Variants in AQR observed in about 807,000 individuals in gnomAD.
The protein encoded by AQR is aquarius intron-binding spliceosomal factor.
Under a neutral mutation model 180.5 loss-of-function variants are expected in AQR, and 61 were observed. That is an observed-to-expected ratio of 0.34 (90% CI 0.28 to 0.42). The LOEUF is 0.42. Ranked by LOEUF, AQR falls within the 10% of genes least tolerant of loss-of-function variation. The pLI is 1.00. For synonymous variants in AQR, 551 were observed against 588.8 expected, an observed-to-expected ratio of 0.94 and a Z score of 0.93; for missense variants, 1,281 against 1,798.3, an observed-to-expected ratio of 0.71 and a Z score of 5.20.
At chr15:34,912,819 C>A (rs1227855588) in intron 16 of AQR, among the ~76,000 whole-genome samples, 2 of 152,218 alleles carry the variant, frequency 1.3e-5, no homozygotes, top group East Asian at 3.9e-4. Context: ...CTGCAGAATA[C>A]AACATACCTA....
chr15:34,950,930 G>A (rs1280924389), intron 4 of AQR, among the ~76,000 whole-genome samples: 1 of 152,110 alleles, frequency 6.6e-6, no homozygotes, highest in Non-Finnish European at 1.5e-5. Context: ...TATCTTGGGT[G>A]TTATCTGACT....
chr15:34,906,760 C>T, intron 17 of AQR, 48 bp from the exon 18 acceptor site: 1 of 1,573,602 alleles, frequency 6.4e-7, no homozygotes, highest in Admixed American at 1.8e-5. Context: ...TCATTGTTTT[C>T]AGTCTTTTGT....
At chr15:34,896,605 T>C (rs1036309876) in intron 22 of AQR, among the ~76,000 whole-genome samples, 1 of 150,260 alleles carries the variant, frequency 6.7e-6, no homozygotes, top group Non-Finnish European at 1.5e-5. Flanking sequence ...CCCAACACAT[T>C]GGGAGGCCGA....
chr15:34,941,124 A>T, intron 7 of AQR, 125 bp from the exon 8 acceptor site: 2 of 549,536 alleles, frequency 3.6e-6, no homozygotes, highest in Middle Eastern at 4.7e-4. Flanking sequence ...TAAAACCTGA[A>T]AATAACATGA....
At chr15:34,969,435 A>T in intron 1 of AQR, 104 bp downstream of exon 1, 3 of 1,175,446 alleles carry the variant, frequency 2.6e-6, no homozygotes. Flanking sequence ...TAACAAACGA[A>T]TGCCTCCTCC....
At chr15:34,923,154 T>C (rs1422137847) in intron 13 of AQR, among the ~76,000 whole-genome samples, 1 of 152,198 alleles carries the variant, frequency 6.6e-6, no homozygotes, top group Non-Finnish European at 1.5e-5. Flanking sequence ...TCTCTTATTA[T>C]TATTGTTGTT....
In AQR at chr15:34,920,419, G is replaced by A; in HGVS notation, c.1134C>T (p.His378=). The part of the protein sequence containing the change: ...FFGPLSSNTL[H]QVASYLCLLP... ...ACAAGCAGAGGTATGATGCCACCTG[G>A]TGGAGTGTGTTTGAACTGCAGAATA... The change falls in exon 14 of 35, where the codon CAC becomes CAT. Residue 378 remains histidine, a synonymous_variant. Coordinates refer to ENST00000156471, the MANE Select transcript of AQR (RefSeq NM_014691.3). The A allele has an allele frequency of 6.2e-7, 1 of 1,612,934 alleles. No individual in the cohort carries two copies. The highest frequency in any genetic ancestry group is 8.5e-7 in the Non-Finnish European group (1 of 1,179,344).
chr15:34,868,539 G>A (rs1892772057), intron 31 of AQR: 1 of 152,030 alleles, frequency 6.6e-6, no homozygotes, highest in African/African-American at 2.4e-5. Context: ...CTACATGGAG[G>A]TATAGTTTAT....
rs929603746 is a variant in AQR, at chr15:34,851,877, G to A, written c.*4915C>T. ...TAAAATTAAAATGTAAACAGAGAAT[G>A]CTCAGTGACCTTTTCTTAGGAGGCT... On this transcript the variant is annotated 3_prime_UTR_variant, in exon 35 of 35. Coordinates refer to ENST00000156471, the MANE Select transcript of AQR (RefSeq NM_014691.3). 1.3e-5 allele frequency: 2 copies of A among 152,162 alleles called. No individual in the cohort carries two copies. The highest frequency in any genetic ancestry group is 3.8e-4 in the East Asian group (2 of 5,198). The allele number at this position is 152,162 out of a possible 1,614,324, so 9.4% of individuals were successfully genotyped here.
At chr15:34,896,425 A>G (rs1036930453) in intron 22 of AQR, among the ~76,000 whole-genome samples, 1 of 152,188 alleles carries the variant, frequency 6.6e-6, no homozygotes, top group Non-Finnish European at 1.5e-5. Context: ...GAGCAGCAAG[A>G]TCTCTAAATG....
At chr15:34,887,314 C>T (rs1337415406) in intron 24 of AQR, among the ~76,000 whole-genome samples, 1 of 152,156 alleles carries the variant, frequency 6.6e-6, no homozygotes, top group Non-Finnish European at 1.5e-5. Flanking sequence ...CATTCTGGTG[C>T]TAGTTCATTT....
chr15:34,905,710 C>T (rs1893401130), intron 18 of AQR, among the ~76,000 whole-genome samples: 1 of 151,686 alleles, frequency 6.6e-6, no homozygotes, highest in African/African-American at 2.4e-5. Flanking sequence ...TATCATTGAA[C>T]ACAAAAAAGC....
chr15:34,896,887 A>C lies in AQR; in HGVS notation c.2460+10T>G, dbSNP rs747991782. On this transcript the variant is annotated intron_variant, in intron 22 of 34. Coordinates refer to ENST00000156471, the MANE Select transcript of AQR (RefSeq NM_014691.3). ...AACAAACAAACAAACAGGTGTAACA[A>C]TTCTCTTACCATAGTCAGCCCAGGC... 2 of 1,604,680 alleles carry C rather than the reference A, an allele frequency of 1.2e-6. No homozygotes were observed. The highest frequency in any genetic ancestry group is 1.7e-6 in the Non-Finnish European group (2 of 1,171,530).
rs200307145 is a variant in AQR at position 34,897,661 on chromosome 15, T to A, written c.2288A>T (p.Asp763Val). 6.1e-5 allele frequency: 99 copies of A among 1,614,142 alleles called. No homozygotes were observed. The Middle Eastern group carries it at 8.3e-4, about 13-fold the overall frequency. ...GGTGTCTTCATCTTCCACATCCGCA[T>A]CTTTCCTTTTCTTCCCTTTTCCACT... ...VRSGKGKKRK[D>V]ADVEDEDTEE... Residue 763 changes from aspartate to valine, a missense_variant, in exon 21 of 35, where the codon GAT (aspartate) becomes GTT (valine). Transcript: ENST00000156471.
chr15:34,869,829 A>C (rs1892789917), intron 31 of AQR: 1 of 152,118 alleles, frequency 6.6e-6, no homozygotes, highest in Non-Finnish European at 1.5e-5. Flanking sequence ...CCTCAAAGAT[A>C]TGGTTACTTC....
intron 3 of AQR, among the ~76,000 whole-genome samples, chr15:34,958,077 G>A (rs976700415): frequency 4.0e-5 from 6 of 151,758 alleles, no homozygotes; most frequent in Admixed American, 6.6e-5. Context: ...GCGTGGTGGC[G>A]GGCGCCTGTA....
chr15:34,963,317 A>G (rs1265190933), intron 2 of AQR, among the ~76,000 whole-genome samples: 1 of 152,088 alleles, frequency 6.6e-6, no homozygotes, highest in Non-Finnish European at 1.5e-5. Context: ...ATGAGAATTA[A>G]CCCTATATTT....
At chr15:34,874,652 T>G (rs978081785) in intron 29 of AQR, 25 bp downstream of exon 29, 2 of 1,610,846 alleles carry the variant, frequency 1.2e-6, no homozygotes, top group Non-Finnish European at 1.7e-6. Context: ...TAAATGGGAA[T>G]GATTTTTTTT....
intron 20 of AQR, 29 bp downstream of exon 20, chr15:34,900,593 G>C (rs747127765): frequency 6.2e-7 from 1 of 1,602,910 alleles, no homozygotes; most frequent in Non-Finnish European, 8.5e-7. Flanking sequence ...CAGAATGCTG[G>C]AGAGGAGCGT....
Sources: allele counts gnomAD v4.1 joint callset (sites outside exome capture counted in the v4.1 genomes callset), GRCh38; gene constraint gnomAD v4.1.1; transcripts MANE v1.5; gene names NCBI Gene and HGNC (gene_info 2026-07-23, HGNC 2026-07-21).